PRR5: variants seen among roughly 807,000 people sequenced by gnomAD.
The protein encoded by PRR5 is proline-rich protein 5.
A neutral mutation model predicts 30.6 loss-of-function variants in PRR5; 25 were observed. The observed-to-expected ratio is 0.82, with a 90% CI of 0.60 to 1.14. The LOEUF (loss-of-function observed/expected upper bound fraction) is 1.14, where lower values mean the gene tolerates loss of function less well. Among genes scored for constraint, PRR5 ranks in the 50% most tolerant of loss-of-function variants. The probability of loss-of-function intolerance (pLI) is 0.00; values close to 1 mark genes in which losing one functional copy is unlikely to be tolerated. For synonymous variants in PRR5, 286 were observed against 247.1 expected, an observed-to-expected ratio of 1.16 and a Z score of -1.48; for missense variants, 600 against 547.1, an observed-to-expected ratio of 1.10 and a Z score of -0.96.
intron 7 of PRR5, among the ~76,000 whole-genome samples, chr22:44,736,073 C>T (rs528355474): frequency 1.3e-5 from 2 of 152,318 alleles, no homozygotes; most frequent in South Asian, 4.1e-4. Flanking sequence ...GGAACCTGAA[C>T]CCTGCCCCCC....
At chr22:44,698,501 T>C (rs1925968420), upstream of PRR5, among the ~76,000 whole-genome samples, 1 of 152,146 alleles carries the variant, frequency 6.6e-6, no homozygotes, top group African/African-American at 2.4e-5. Flanking sequence ...TTCCCTGGTC[T>C]CAGACACAAA....
intron 1 of PRR5, among the ~76,000 whole-genome samples, chr22:44,695,831 C>T (rs1226568174): frequency 6.6e-6 from 1 of 151,420 alleles, no homozygotes; most frequent in Admixed American, 6.6e-5. Flanking sequence ...GAACCCCTGA[C>T]CTCAAGTGAT....
intron 2 of PRR5, among the ~76,000 whole-genome samples, chr22:44,717,451 C>G (rs1306573591): frequency 1.3e-5 from 2 of 152,100 alleles, no homozygotes; most frequent in Non-Finnish European, 2.9e-5. Context: ...CTCAGCCTCC[C>G]AAAGTGCTGG....
chr22:44,679,862 G>T, intron 1 of PRR5: 1 of 1,588,704 alleles, frequency 6.3e-7, no homozygotes, highest in Non-Finnish European at 8.6e-7. Flanking sequence ...AAAAGATGCC[G>T]GCGCAGCCTG....
Position 44,729,477 on chromosome 22 carries a change from G to A in PRR5, c.323-2253G>A, listed in dbSNP as rs907204530. ...TACTGCCAGGCTGGAGCCAAGGTAC[G>A]GCGCGCACACACCCGGCCCCGTCCT... On this transcript the variant is annotated intron_variant, in intron 4 of 7. Coordinates refer to ENST00000336985, the MANE Select transcript of PRR5 (RefSeq NM_181333.4). 28 of 985,480 alleles carry A rather than the reference G, an allele frequency of 2.8e-5. No homozygotes were observed. The Admixed American group carries it at 4.3e-4, about 15-fold the overall frequency. The allele number at this position is 985,480 out of a possible 1,614,324, so 61.0% of individuals were successfully genotyped here.
chr22:44,702,773 G>A (rs760103621), intron 1 of PRR5, among the ~76,000 whole-genome samples, 165 bp downstream of exon 1: 2 of 152,170 alleles, frequency 1.3e-5, no homozygotes, highest in Non-Finnish European at 2.9e-5. Flanking sequence ...TGCGGGCCTG[G>A]AGGAAAGTTC....
chr22:44,727,734 G>A (rs377606055), intron 4 of PRR5, among the ~76,000 whole-genome samples: 1 of 152,172 alleles, frequency 6.6e-6, no homozygotes, highest in Non-Finnish European at 1.5e-5. Context: ...CACAGAGAAG[G>A]ACACAGGCCC....
chr22:44,689,601 G>A (rs1569070033), intron 1 of PRR5, among the ~76,000 whole-genome samples: 1 of 152,238 alleles, frequency 6.6e-6, no homozygotes, highest in Non-Finnish European at 1.5e-5. Context: ...TGTGGCCTGG[G>A]CAGAAGGGCC....
rs981503746 is a variant in PRR5 at position 44,685,595 on chromosome 22, C to T, written c.-11+8355C>T. ...CCCCTCTCCCCAGTGAAAGCCACAC[C>T]CTCTCCCCAGTGAAAGCCACACCCC... On this transcript the variant is annotated intron_variant, in intron 1 of 8. Coordinates refer to the PRR5 transcript ENST00000006251. Among the ~76,000 whole-genome samples, 60 of 150,134 alleles carry T rather than the reference C, an allele frequency of 4.0e-4. 1 individual carries two copies. Among genetic ancestry groups the T allele is most frequent in the Admixed American group, 3.9e-3 (59 of 15,066 alleles).
At chr22:44,709,011 C>T (rs1247920679) in intron 1 of PRR5, among the ~76,000 whole-genome samples, 1 of 151,154 alleles carries the variant, frequency 6.6e-6, no homozygotes, top group Non-Finnish European at 1.5e-5. Context: ...CAAGGACTGC[C>T]CAGGTTCATG....
chr22:44,737,528 C>T lies in PRR5; in HGVS notation c.*281C>T, dbSNP rs1392400189. The stretch of plus-strand genomic sequence containing the variant: ...CGCTCCCACGCTCCTCCTGCCCCAG[C>T]CCTCTGGTGTCCACACCTGCCCACA... On this transcript the variant is annotated 3_prime_UTR_variant, in exon 8 of 8. Transcript: ENST00000336985. The T allele has an allele frequency of 2.0e-6, 1 of 503,330 alleles. No homozygotes were observed. The highest frequency in any genetic ancestry group is 3.3e-5 in the South Asian group (1 of 30,620). The allele number at this position is 503,330 out of a possible 1,614,324, so 31.2% of individuals were successfully genotyped here.
chr22:44,678,581 C>T (rs1446330869), intron 1 of PRR5, among the ~76,000 whole-genome samples: 1 of 152,168 alleles, frequency 6.6e-6, no homozygotes, highest in East Asian at 1.9e-4. Flanking sequence ...CCCCAAAGTG[C>T]TGGGATCACA....
chr22:44,714,783 C>T, intron 2 of PRR5, 112 bp downstream of exon 2: 2 of 1,357,920 alleles, frequency 1.5e-6, no homozygotes, highest in Non-Finnish European at 2.0e-6. Flanking sequence ...TGTGCTTCCT[C>T]CCCTAGAGGC....
intron 2 of PRR5, among the ~76,000 whole-genome samples, chr22:44,723,580 C>T (rs571277853): frequency 7.9e-5 from 12 of 151,908 alleles, no homozygotes; most frequent in South Asian, 6.2e-4. Context: ...ATTAGCTGGG[C>T]GTGATGGTAT....
At position 44,680,844 on chromosome 22, in the gene PRR5, G is replaced by A. The variant is rs187235585; in HGVS notation, c.-11+3604G>A. Reference sequence around the variant, plus strand: ...ACAGTGGTGGCAGTGTGTGACAGAGGAAGGAGCCAAGGTGGGATTTGAGAA... The same window carrying A: ...ACAGTGGTGGCAGTGTGTGACAGAGAAAGGAGCCAAGGTGGGATTTGAGAA... On this transcript the variant is annotated intron_variant, in intron 1 of 8. Transcript: ENST00000006251. Among the ~76,000 whole-genome samples, 649 of 152,348 alleles carry A rather than the reference G, an allele frequency of 4.3e-3. 2 individuals carry two copies. The highest frequency in any genetic ancestry group is 0.014 in the Middle Eastern group (4 of 294).
At chr22:44,699,769 A>G (rs1926086933), upstream of PRR5, among the ~76,000 whole-genome samples, 1 of 152,194 alleles carries the variant, frequency 6.6e-6, no homozygotes, top group East Asian at 1.9e-4. Flanking sequence ...AACTTCTCTG[A>G]AAGACGTTCT....
In PRR5 at chr22:44,732,145, T is replaced by C. The variant is rs1922116574; in HGVS notation, c.415-106T>C. On this transcript the variant is annotated intron_variant, in intron 5 of 7. Transcript: ENST00000336985. ...CTGAGGAGAACGGGGTGGAGGGGCC[T>C]GAGGGTCGGCAGGTCTCTTCCCCCT... 7 of 1,536,144 alleles carry C rather than the reference T, an allele frequency of 4.6e-6. No homozygotes were observed. The Admixed American group carries it at 1.2e-4, about 27-fold the overall frequency.
intron 4 of PRR5, chr22:44,730,599 A>G: frequency 1.0e-6 from 1 of 992,150 alleles, no homozygotes; most frequent in African/African-American, 1.7e-5. Flanking sequence ...CTACCTACGT[A>G]TCTGTTTCAG....
intron 1 of PRR5, among the ~76,000 whole-genome samples, chr22:44,708,988 A>G (rs1231919425): frequency 7.0e-6 from 1 of 142,150 alleles, no homozygotes; most frequent in African/African-American, 2.7e-5. Context: ...AAAAAAAAAA[A>G]AAAAAGAAGG....
Sources: gnomAD v4.1 joint callset for allele counts (sites outside exome capture counted in the v4.1 genomes callset) on GRCh38, gnomAD v4.1.1 for gene constraint, MANE v1.5 for transcripts, NCBI Gene and HGNC (gene_info 2026-07-23, HGNC 2026-07-21) for gene names.